The following ZZZ3 variants were observed in gnomAD, a reference collection of about 807,000 sequenced individuals.
The protein encoded by ZZZ3 is ZZ-type zinc finger-containing protein 3.
ZZZ3 carries 22 observed loss-of-function variants against 95.2 expected under a neutral mutation model. That is an observed-to-expected ratio of 0.23 (90% CI 0.17 to 0.33). ZZZ3 has a LOEUF of 0.33. ZZZ3 is among the 10% of genes least tolerant of loss of function. The pLI is 1.00. For missense variants in ZZZ3, 885 were observed against 1,066.5 expected (o/e 0.83, Z 2.37); for synonymous variants, 335 against 358.9 (o/e 0.93, Z 0.75).
intron 5 of ZZZ3, among the ~76,000 whole-genome samples, chr1:77,587,656 G>A (rs1051635536): frequency 2.6e-5 from 4 of 152,136 alleles, no homozygotes; most frequent in Non-Finnish European, 4.4e-5. Flanking sequence ...TACGCTTTAA[G>A]AAAGACAAAC....
At chr1:77,576,449 A>G (rs1644423127) in intron 11 of ZZZ3, among the ~76,000 whole-genome samples, 1 of 152,070 alleles carries the variant, frequency 6.6e-6, no homozygotes, top group African/African-American at 2.4e-5. Flanking sequence ...GGTAAAATGG[A>G]CCACATGTTT....
chr1:77,676,024 T>TA (rs961433866), intron 1 of ZZZ3, among the ~76,000 whole-genome samples: 2 of 152,218 alleles, frequency 1.3e-5, no homozygotes, highest in Non-Finnish European at 2.9e-5. Flanking sequence ...CTAAATATCT[T>TA]AGAGGTATAT....
At chr1:77,578,599 C>A (rs1662197287) in intron 11 of ZZZ3, among the ~76,000 whole-genome samples, 175 bp downstream of exon 11, 1 of 152,152 alleles carries the variant, frequency 6.6e-6, no homozygotes, top group African/African-American at 2.4e-5. Context: ...ATGAATTTCA[C>A]TGAGCAGCAA....
intron 6 of ZZZ3, among the ~76,000 whole-genome samples, chr1:77,584,283 T>C (rs1277990162): frequency 1.3e-5 from 2 of 152,212 alleles, no homozygotes; most frequent in African/African-American, 4.8e-5. Context: ...ATAGGACAAG[T>C]TCCCATACAA....
intron 7 of ZZZ3, 36 bp downstream of exon 7, chr1:77,581,943 T>G (rs2270539): frequency 0.03 from 47,773 of 1,602,318 alleles, 1,529 homozygotes; most frequent in African/African-American, 0.15. Flanking sequence ...TTGCCAGATA[T>G]TTTTCTACTT....
chr1:77,587,264 T>A lies in ZZZ3; in HGVS notation c.1506-2609A>T, dbSNP rs1481785850. 2.8e-5 allele frequency among the ~76,000 whole-genome samples: 4 copies of A among 144,280 alleles called. No individual in the cohort carries two copies. The East Asian group carries it at 8.1e-4, about 29-fold the overall frequency. 94.7% of individuals were successfully genotyped at this position (144,280 alleles called of 152,430 possible). On this transcript the variant is annotated intron_variant, in intron 5 of 14. Transcript: ENST00000370801. ...ATCAACTCCAACTTTGACCCTTTTT[T>A]TTTTTTTTTTTTTTTTGAGACAGAG...
intron 5 of ZZZ3, among the ~76,000 whole-genome samples, chr1:77,616,915 C>G (rs1156530583): frequency 6.6e-6 from 1 of 152,000 alleles, no homozygotes; most frequent in African/African-American, 2.4e-5. Context: ...AATTGTCAGG[C>G]ATGTTCCCAA....
intron 5 of ZZZ3, among the ~76,000 whole-genome samples, chr1:77,610,836 G>A (rs1259311134): frequency 6.6e-6 from 1 of 151,024 alleles, no homozygotes; most frequent in Admixed American, 6.6e-5. Context: ...CACAATAAAG[G>A]CCATATACAA....
chr1:77,670,934 C>T (rs1193240895), intron 1 of ZZZ3, among the ~76,000 whole-genome samples: 1 of 151,600 alleles, frequency 6.6e-6, no homozygotes, highest in Admixed American at 6.6e-5. Context: ...ATCCCAGCTA[C>T]CCAAGAAGCA....
At chr1:77,594,388 T>A (rs571198771) in intron 5 of ZZZ3, among the ~76,000 whole-genome samples, 3 of 152,240 alleles carry the variant, frequency 2.0e-5, no homozygotes, top group African/African-American at 7.2e-5. Context: ...GTTCTTAAAA[T>A]GAATGTCTTA....
At chr1:77,593,113 T>G (rs1465786710) in intron 5 of ZZZ3, among the ~76,000 whole-genome samples, 2 of 152,098 alleles carry the variant, frequency 1.3e-5, no homozygotes, top group South Asian at 2.1e-4. Flanking sequence ...AGCCCAGCCC[T>G]TGGGTTGGGA....
intron 1 of ZZZ3, among the ~76,000 whole-genome samples, chr1:77,665,003 G>A (rs1357974056): frequency 6.6e-6 from 1 of 152,092 alleles, no homozygotes; most frequent in African/African-American, 2.4e-5. Context: ...ATTAACAAAA[G>A]CTATCAATAC....
intron 1 of ZZZ3, among the ~76,000 whole-genome samples, chr1:77,644,677 T>C (rs1360216272): frequency 6.6e-6 from 1 of 152,212 alleles, no homozygotes; most frequent in African/African-American, 2.4e-5. Flanking sequence ...ACATAATACC[T>C]GCCTACTACC....
chr1:77,637,520 C>A (rs1477156637), intron 4 of ZZZ3, among the ~76,000 whole-genome samples: 2 of 151,846 alleles, frequency 1.3e-5, no homozygotes, highest in Admixed American at 6.6e-5. Context: ...AAAAAGGGAC[C>A]AAAAATGTCT....
At position 77,632,556 on chromosome 1, in the gene ZZZ3, G is replaced by A; in HGVS notation, c.799C>T (p.Pro267Ser). Residue 267 changes from proline (P) to serine (S), a missense_variant, in exon 5 of 15, where the codon CCT becomes TCT. Physicochemically the swap from Pro to Ser is moderately conservative, Grantham distance 74 (BLOSUM62 -1). This residue lies in a region of ZZZ3 where 556 missense variants were observed against 652.9 expected (regional missense o/e 0.85). Coordinates refer to ENST00000370801, the MANE Select transcript of ZZZ3 (RefSeq NM_015534.6). ...KEDSYIDHKV[P>S]CTDSQVQVKL... ...ACCTGCACTTGTGAATCTGTGCAAG[G>A]CACCTTATGGTCTATATAACTGTCC... The A allele has an allele frequency of 6.2e-7, 1 of 1,614,120 alleles. No individual in the cohort carries two copies. Among genetic ancestry groups the A allele is most frequent in the Non-Finnish European group, 8.5e-7 (1 of 1,180,006 alleles).
chr1:77,598,781 A>G (rs74745650), intron 5 of ZZZ3, among the ~76,000 whole-genome samples: 9,476 of 152,158 alleles, frequency 0.062, 578 homozygotes, highest in African/African-American at 0.16. Flanking sequence ...ACCTTTTTAG[A>G]TATTATCTCT....
Position 77,562,797 on chromosome 1 carries a change from C to T in ZZZ3, c.*2843G>A, listed in dbSNP as rs530108037. ...AACAGAATGTAAGGCAACATCTGCA[C>T]ACCTCCACTCCTAACACCTAGTGTT... On this transcript the variant is annotated 3_prime_UTR_variant, in exon 15 of 15. Transcript: ENST00000370801. The T allele has an allele frequency of 2.6e-5, 4 of 152,424 alleles. No homozygotes were observed. The highest frequency in any genetic ancestry group is 6.5e-5 in the Admixed American group (1 of 15,302). The allele number at this position is 152,424 out of a possible 1,614,324, so 9.4% of individuals were successfully genotyped here.
intron 1 of ZZZ3, among the ~76,000 whole-genome samples, chr1:77,658,452 C>G (rs1006196300): frequency 1.1e-4 from 17 of 151,614 alleles, no homozygotes; most frequent in Non-Finnish European, 2.4e-4. Flanking sequence ...AACGAACCTC[C>G]CAGCTTAGCC....
intron 5 of ZZZ3, among the ~76,000 whole-genome samples, chr1:77,630,265 G>A (rs1570556246): frequency 6.6e-6 from 1 of 152,264 alleles, no homozygotes; most frequent in East Asian, 1.9e-4. Flanking sequence ...ATCGAGCCCA[G>A]GAGATTAAGA....
Sources: gnomAD v4.1 joint callset for allele counts (sites outside exome capture counted in the v4.1 genomes callset) on GRCh38, gnomAD v4.1.1 for gene constraint, gnomAD v4.1.1 regional missense constraint, MANE v1.5 for transcripts, NCBI Gene and HGNC (gene_info 2026-07-23, HGNC 2026-07-21) for gene names.